Variants in SEMA3A observed in about 807,000 individuals in gnomAD.
SEMA3A encodes the protein semaphorin 3A.
SEMA3A carries 29 observed loss-of-function variants against 97.9 expected under a neutral mutation model. The ratio of observed to expected loss-of-function variants is 0.30; its 90% confidence interval spans 0.22 to 0.40. SEMA3A has a LOEUF of 0.40. SEMA3A is among the 10% of genes least tolerant of loss of function. The pLI, the probability that SEMA3A is intolerant of heterozygous loss-of-function variation, is 1.00. For synonymous variants in SEMA3A, 321 were observed against 323.7 expected, an observed-to-expected ratio of 0.99 and a Z score of 0.09; for missense variants, 763 against 951.3, an observed-to-expected ratio of 0.80 and a Z score of 2.60.
intron 3 of SEMA3A, among the ~76,000 whole-genome samples, chr7:84,216,999 A>T (rs1798768513): frequency 6.6e-6 from 1 of 152,220 alleles, no homozygotes; most frequent in Non-Finnish European, 1.5e-5. Flanking sequence ...GATTCATGTT[A>T]ATTGTGCCAA....
chr7:84,042,591 A>G (rs1231773944), intron 6 of SEMA3A, among the ~76,000 whole-genome samples: 1 of 152,056 alleles, frequency 6.6e-6, no homozygotes, highest in Non-Finnish European at 1.5e-5. Context: ...ACTACATACC[A>G]AGAACTTGCT....
intron 1 of SEMA3A, among the ~76,000 whole-genome samples, chr7:84,473,140 TG>T (rs1248612288): frequency 9.2e-6 from 1 of 108,654 alleles, no homozygotes. Flanking sequence ...AAAAAAGAAA[TG>T]GTGTGTGTGT....
intron 3 of SEMA3A, among the ~76,000 whole-genome samples, chr7:84,249,010 T>A (rs912535036): frequency 6.6e-6 from 1 of 152,164 alleles, no homozygotes; most frequent in Non-Finnish European, 1.5e-5. Flanking sequence ...CATGGGTGTA[T>A]CTAGGCTTGG....
rs1396224772 is a variant in SEMA3A, at chr7:83,958,806, GTC to G, written c.*2563_*2564del. On this transcript the variant is annotated 3_prime_UTR_variant, in exon 17 of 17. Transcript: ENST00000265362. The stretch of plus-strand genomic sequence containing the variant: ...CATTTGATATCAACTGGGCCATAAT[GTC>G]TCTGCTGTGATGCATCTTTTTCATA... 19 of 152,394 alleles carry G rather than the reference GTC, an allele frequency of 1.2e-4. No homozygotes were observed. Among genetic ancestry groups the G allele is most frequent in the African/African-American group, 3.4e-4 (14 of 41,396 alleles). The allele number at this position is 152,394 out of a possible 1,614,324, so 9.4% of individuals were successfully genotyped here.
At chr7:83,986,970 TCACA>T (rs61054337) in intron 12 of SEMA3A, among the ~76,000 whole-genome samples, 4 of 106,850 alleles carry the variant, frequency 3.7e-5, no homozygotes, top group Non-Finnish European at 9.5e-5. Context: ...TCTCTCTCTT[TCACA>T]CACACACACA....
rs61298477 is a variant in SEMA3A, at chr7:84,445,493, C to CAAAAAAAAAAAAA, written c.-246+46954_-246+46966dup. 3.2e-3 allele frequency among the ~76,000 whole-genome samples: 88 copies of CAAAAAAAAAAAAA among 27,584 alleles called. 2 individuals are homozygous for CAAAAAAAAAAAAA. Among genetic ancestry groups the CAAAAAAAAAAAAA allele is most frequent in the Non-Finnish European group, 4.5e-3 (57 of 12,680 alleles). 18.1% of individuals were successfully genotyped at this position (27,584 alleles called of 152,430 possible). ...TGGGCGACAGAGTGAGACTCCATCTCAAAAAAAAAAAAAAAAAAAAAAAAA... is the reference window on the plus strand; with the variant it reads ...TGGGCGACAGAGTGAGACTCCATCTCAAAAAAAAAAAAAAAAAAAAAAAAAAAAAAAAAAAAAA... On this transcript the variant is annotated intron_variant, in intron 1 of 3. Coordinates refer to the SEMA3A transcript ENST00000424555.
intron 1 of SEMA3A, among the ~76,000 whole-genome samples, chr7:84,175,118 G>T (rs1040238885): frequency 2.6e-5 from 4 of 152,110 alleles, no homozygotes; most frequent in Non-Finnish European, 4.4e-5. Flanking sequence ...AAGGGGTTTG[G>T]TGTCCAACGG....
At chr7:84,161,118 C>A (rs1427632817) in intron 1 of SEMA3A, among the ~76,000 whole-genome samples, 9 of 152,060 alleles carry the variant, frequency 5.9e-5, no homozygotes, top group Non-Finnish European at 1.2e-4. Context: ...GTAATCCCAG[C>A]ACTTTGGGAG....
At chr7:84,009,820 G>A (rs894130800) in intron 9 of SEMA3A, among the ~76,000 whole-genome samples, 4 of 150,356 alleles carry the variant, frequency 2.7e-5, no homozygotes, top group Non-Finnish European at 5.9e-5. Context: ...GAAGGAAGAA[G>A]GGAAGGAGCC....
intron 1 of SEMA3A, among the ~76,000 whole-genome samples, chr7:84,477,019 T>C (rs1487088042): frequency 6.7e-6 from 1 of 149,888 alleles, no homozygotes; most frequent in Non-Finnish European, 1.5e-5. Context: ...TGTTCCTCTG[T>C]AGAGTAAAAA....
At chr7:84,100,873 T>C (rs1794941455) in intron 4 of SEMA3A, among the ~76,000 whole-genome samples, 1 of 152,200 alleles carries the variant, frequency 6.6e-6, no homozygotes, top group Non-Finnish European at 1.5e-5. Context: ...CTCTCTCAGA[T>C]ATATCTAATA....
At chr7:84,384,306 T>C (rs992568222) in intron 1 of SEMA3A, among the ~76,000 whole-genome samples, 1 of 152,170 alleles carries the variant, frequency 6.6e-6, no homozygotes, top group Non-Finnish European at 1.5e-5. Flanking sequence ...AATTCTACTA[T>C]TGTGGCTTCT....
At chr7:84,110,085 C>T (rs187637493) in intron 4 of SEMA3A, among the ~76,000 whole-genome samples, 1 of 152,250 alleles carries the variant, frequency 6.6e-6, no homozygotes, top group African/African-American at 2.4e-5. Flanking sequence ...ATCTTAATCC[C>T]TAGGCAGAAG....
At chr7:84,086,984 C>T (rs958370681) in intron 4 of SEMA3A, among the ~76,000 whole-genome samples, 1 of 151,998 alleles carries the variant, frequency 6.6e-6, no homozygotes. Flanking sequence ...TTGGCTTAAT[C>T]CCAGTCATCA....
At position 84,022,473 on chromosome 7, in the gene SEMA3A, G is replaced by A. The variant is rs112541557; in HGVS notation, c.668-8122C>T. Among the ~76,000 whole-genome samples the A allele has an allele frequency of 3.4e-3, 514 of 152,210 alleles. 2 individuals are homozygous for A. The highest frequency in any genetic ancestry group is 0.012 in the African/African-American group (493 of 41,540). On this transcript the variant is annotated intron_variant, in intron 6 of 16. Coordinates refer to ENST00000265362, the MANE Select transcript of SEMA3A (RefSeq NM_006080.3). ...GATAGAAATTATTGATTTCACTGTG[G>A]CCACTGAAACTTAATGACACAAATA...
intron 1 of SEMA3A, among the ~76,000 whole-genome samples, chr7:84,491,297 T>G (rs748386366): frequency 3.3e-5 from 5 of 152,194 alleles, no homozygotes; most frequent in African/African-American, 1.2e-4. Flanking sequence ...CCTTTTGAGA[T>G]GACAATGTCT....
At chr7:84,039,857 A>G (rs879400155) in intron 6 of SEMA3A, among the ~76,000 whole-genome samples, 14 of 152,076 alleles carry the variant, frequency 9.2e-5, no homozygotes, top group Non-Finnish European at 1.8e-4. Context: ...CTGCAGACAC[A>G]ATTTCTAGGT....
chr7:84,055,945 G>T (rs976230890), intron 5 of SEMA3A, among the ~76,000 whole-genome samples: 4 of 152,076 alleles, frequency 2.6e-5, no homozygotes, highest in African/African-American at 9.7e-5. Context: ...TAAATTGATG[G>T]TAGAATCATA....
At chr7:84,294,163 ATTATT>A (rs1351939411) in intron 3 of SEMA3A, among the ~76,000 whole-genome samples, 2 of 151,892 alleles carry the variant, frequency 1.3e-5, no homozygotes, top group Non-Finnish European at 2.9e-5. Flanking sequence ...CTTGCTAGTT[ATTATT>A]TTATTAAGAT....
Sources: gnomAD v4.1 joint callset for allele counts (sites outside exome capture counted in the v4.1 genomes callset) on GRCh38, gnomAD v4.1.1 for gene constraint, MANE v1.5 for transcripts, NCBI Gene and HGNC (gene_info 2026-07-23, HGNC 2026-07-21) for gene names.